The following NGF variants were observed in gnomAD, a reference collection of about 807,000 sequenced individuals.
NGF encodes the protein beta-nerve growth factor.
NGF carries 4 observed loss-of-function variants against 12.8 expected under a neutral mutation model. The observed-to-expected ratio is 0.31, with a 90% confidence interval of 0.15 to 0.72. The LOEUF (loss-of-function observed/expected upper bound fraction) is 0.72. NGF is among the 30% of genes least tolerant of loss of function. The pLI is 0.69. For missense variants in NGF, 283 were observed against 330.8 expected (o/e 0.86, Z 1.12); for synonymous variants, 140 against 130.0 (o/e 1.08, Z -0.52).
intron 1 of NGF, among the ~76,000 whole-genome samples, chr1:115,294,108 A>C (rs1392099523): frequency 2.6e-5 from 4 of 152,258 alleles, no homozygotes; most frequent in African/African-American, 9.6e-5. Context: ...TACATTACAC[A>C]TGCAGACATA....
intron 1 of NGF, among the ~76,000 whole-genome samples, chr1:115,303,269 C>A (rs1245263825): frequency 2.6e-5 from 4 of 152,134 alleles, no homozygotes; most frequent in African/African-American, 4.8e-5. Flanking sequence ...GTCCCAGGAC[C>A]TAAGTGCTCT....
intron 1 of NGF, among the ~76,000 whole-genome samples, chr1:115,324,731 C>T (rs375317539): frequency 1.2e-4 from 19 of 152,246 alleles, no homozygotes; most frequent in South Asian, 8.3e-4. Flanking sequence ...TGGGGTACTC[C>T]GGAAACTCAC....
At chr1:115,317,571 A>G (rs1654505487) in intron 1 of NGF, among the ~76,000 whole-genome samples, 1 of 152,240 alleles carries the variant, frequency 6.6e-6, no homozygotes, top group Non-Finnish European at 1.5e-5. Flanking sequence ...AACAAGATTC[A>G]GTCAAGGAAA....
In NGF at chr1:115,286,208, G is replaced by A. The variant is rs1186354111; in HGVS notation, c.588C>T (p.His196=). The part of the protein sequence containing the change: ...DSGCRGIDSK[H]WNSYCTTTHT... ...GAGTCGTGGTACAATATGAGTTCCA[G>A]TGCTTTGAGTCAATGCCCCGGCACC... Residue 196 remains histidine, a synonymous_variant, in exon 3 of 3, where the codon CAC becomes CAT. Coordinates refer to ENST00000369512, the MANE Select transcript of NGF (RefSeq NM_002506.3). 1.2e-6 allele frequency: 2 copies of A among 1,614,088 alleles called. No homozygotes were observed. Among genetic ancestry groups the A allele is most frequent in the East Asian group, 2.2e-5 (1 of 44,874 alleles).
At chr1:115,324,379 T>C (rs1288932699) in intron 1 of NGF, among the ~76,000 whole-genome samples, 1 of 152,170 alleles carries the variant, frequency 6.6e-6, no homozygotes, top group Admixed American at 6.5e-5. Context: ...TTCCAGTTCA[T>C]AGCTTCCTCA....
rs555238097 is a variant in NGF, at chr1:115,292,377, C to T, written c.-13+1250G>A. Among the ~76,000 whole-genome samples the T allele has an allele frequency of 7.9e-5, 12 of 152,258 alleles. No homozygotes were observed. The South Asian group carries it at 1.2e-3, about 16-fold the overall frequency. ...TCAGAATCACCTGGAGAGTTTGTTA[C>T]ACTATAGACTGCTGGGCCCCATCTC... On this transcript the variant is annotated intron_variant, in intron 2 of 2. Transcript: ENST00000369512.
chr1:115,309,705 T>G (rs1011741203), intron 1 of NGF, among the ~76,000 whole-genome samples: 10 of 152,190 alleles, frequency 6.6e-5, no homozygotes, highest in Middle Eastern at 3.2e-3. Context: ...GTGGCACATA[T>G]ACACCATGGA....
At chr1:115,299,570 A>T (rs1364812685) in intron 1 of NGF, among the ~76,000 whole-genome samples, 1 of 152,234 alleles carries the variant, frequency 6.6e-6, no homozygotes, top group East Asian at 1.9e-4. Context: ...GTGGAAGATA[A>T]GACATCTAAA....
At chr1:115,311,484 G>A (rs1483841111) in intron 1 of NGF, among the ~76,000 whole-genome samples, 1 of 152,112 alleles carries the variant, frequency 6.6e-6, no homozygotes, top group Non-Finnish European at 1.5e-5. Flanking sequence ...ATTTGGCGAT[G>A]TCTAGAGACA....
At chr1:115,318,784 G>A (rs1006969327) in intron 1 of NGF, among the ~76,000 whole-genome samples, 15 of 152,082 alleles carry the variant, frequency 9.9e-5, no homozygotes, top group Non-Finnish European at 1.8e-4. Context: ...TTTCCCCTGA[G>A]CCCACTCCTA....
intron 1 of NGF, among the ~76,000 whole-genome samples, chr1:115,335,583 A>G (rs1655089307): frequency 6.6e-6 from 1 of 152,228 alleles, no homozygotes; most frequent in Admixed American, 6.5e-5. Context: ...CAGAGATTTT[A>G]TGCAAGCCGT....
At chr1:115,299,903 A>C (rs1653983080) in intron 1 of NGF, among the ~76,000 whole-genome samples, 1 of 152,204 alleles carries the variant, frequency 6.6e-6, no homozygotes, top group African/African-American at 2.4e-5. Flanking sequence ...AATGACTCTC[A>C]GGTTCTCATA....
At chr1:115,337,871 A>G (rs1272292081) in intron 1 of NGF, among the ~76,000 whole-genome samples, 2 of 151,882 alleles carry the variant, frequency 1.3e-5, no homozygotes, top group Non-Finnish European at 1.5e-5. Flanking sequence ...CGCGTTATCC[A>G]CTTCTAGCCC....
At position 115,286,099 on chromosome 1, in the gene NGF, G is replaced by A; in HGVS notation, c.697C>T (p.Leu233Phe). Residue 233 changes from leucine (L) to phenylalanine (F), a missense_variant, in exon 3 of 3, where the codon CTC (leucine) becomes TTC (phenylalanine). Leu to Phe is a conservative substitution (Grantham distance 22, BLOSUM62 0). Around this residue, in one of 2 missense-constraint regions of NGF, gnomAD observed 132 missense variants for 189.2 expected, o/e 0.70. Transcript: ENST00000369512. ...GCTCTTCTCACAGCCTTCCTGCTGA[G>A]CACACACACACAGGCCGTATCTATC... Reference protein sequence around the residue: ...IRIDTACVCVLSRKAVRRA With the variant: ...IRIDTACVCVFSRKAVRRA The A allele has an allele frequency of 6.2e-7, 1 of 1,613,276 alleles. No homozygotes were observed. Among genetic ancestry groups the A allele is most frequent in the Non-Finnish European group, 8.5e-7 (1 of 1,179,614 alleles).
intron 1 of NGF, among the ~76,000 whole-genome samples, chr1:115,325,374 G>C (rs1654745362): frequency 6.6e-6 from 1 of 152,064 alleles, no homozygotes; most frequent in Non-Finnish European, 1.5e-5. Flanking sequence ...TTTTGTTGCA[G>C]GTGCTTGTCC....
chr1:115,292,998 G>A (rs1187645130), intron 2 of NGF, among the ~76,000 whole-genome samples: 1 of 151,832 alleles, frequency 6.6e-6, no homozygotes, highest in Non-Finnish European at 1.5e-5. Context: ...CTACTGATCT[G>A]AATTCTAAAA....
chr1:115,329,355 A>G (rs938437133), intron 1 of NGF, among the ~76,000 whole-genome samples: 19 of 152,356 alleles, frequency 1.2e-4, no homozygotes, highest in African/African-American at 4.6e-4. Flanking sequence ...ACAGATGAGG[A>G]CATTGTTGCT....
At chr1:115,306,568 A>G (rs1217436312) in intron 1 of NGF, among the ~76,000 whole-genome samples, 1 of 152,240 alleles carries the variant, frequency 6.6e-6, no homozygotes. Context: ...CAGAAGAGAA[A>G]GAACCATCTT....
Position 115,286,327 on chromosome 1 carries a change from C to T in NGF, c.469G>A (p.Val157Met), listed in dbSNP as rs773565185. Reference protein sequence around the residue: ...TTATDIKGKEVMVLGEVNINN... With the variant: ...TTATDIKGKEMMVLGEVNINN... ...ATGTTCACCTCTCCCAACACCATCACCTCCTTGCCCTTGATGTCTGTGGCG... is the reference window on the plus strand; with the variant it reads ...ATGTTCACCTCTCCCAACACCATCATCTCCTTGCCCTTGATGTCTGTGGCG... The change falls in exon 3 of 3, where the codon GTG becomes ATG. Residue 157 changes from valine to methionine, a missense_variant. Val to Met is a conservative substitution (Grantham distance 21). Transcript: ENST00000369512. 5.0e-6 allele frequency: 8 copies of T among 1,614,114 alleles called. No homozygotes were observed. The highest frequency in any genetic ancestry group is 1.1e-5 in the South Asian group (1 of 91,076).
Sources: allele counts gnomAD v4.1 joint callset (sites outside exome capture counted in the v4.1 genomes callset), GRCh38; gene constraint gnomAD v4.1.1; regional missense constraint gnomAD v4.1.1; transcripts MANE v1.5; gene names NCBI Gene and HGNC (gene_info 2026-07-23, HGNC 2026-07-21).